Variants in PKD2L2 observed in about 807,000 individuals in gnomAD.
PKD2L2 encodes the protein polycystin-2-like protein 2.
Under a neutral mutation model 83.9 loss-of-function variants are expected in PKD2L2, and 67 were observed. That is an observed-to-expected ratio of 0.80 (90% CI 0.66 to 0.98). The LOEUF is 0.98. PKD2L2 is among the 50% of genes least tolerant of loss of function. The pLI is 0.00. For missense variants in PKD2L2, 632 were observed against 717.2 expected (o/e 0.88, Z 1.36); for synonymous variants, 223 against 237.8 (o/e 0.94, Z 0.57).
At chr5:137,907,390 T>C (rs1757451239) in intron 6 of PKD2L2, among the ~76,000 whole-genome samples, 1 of 152,218 alleles carries the variant, frequency 6.6e-6, no homozygotes, top group South Asian at 2.1e-4. Flanking sequence ...TTTCTTGTAG[T>C]GTTACACGGT....
intron 11 of PKD2L2, among the ~76,000 whole-genome samples, chr5:137,925,355 C>T (rs183390320): frequency 1.3e-5 from 2 of 152,174 alleles, no homozygotes; most frequent in East Asian, 1.9e-4. Flanking sequence ...ACCTATGTGG[C>T]GATTCTAAAT....
chr5:137,932,348 C>CA lies in PKD2L2; in HGVS notation c.1672-3438dup, dbSNP rs533671829. Among the ~76,000 whole-genome samples the CA allele has an allele frequency of 1.7e-3, 236 of 136,688 alleles. 4 individuals carry two copies. Among genetic ancestry groups the CA allele is most frequent in the Middle Eastern group, 0.015 (4 of 268 alleles). 89.7% of individuals were successfully genotyped at this position (136,688 alleles called of 152,430 possible). ...GGACAACAAGAGCGAAACTCTGTCT[C>CA]AAAAAAAAAAAGACACAAAAATACA... On this transcript the variant is annotated intron_variant, in intron 12 of 14. Transcript: ENST00000508883.
intron 8 of PKD2L2, among the ~76,000 whole-genome samples, chr5:137,911,102 C>G (rs1428648750): frequency 1.3e-5 from 2 of 152,136 alleles, no homozygotes; most frequent in Non-Finnish European, 2.9e-5. Context: ...AAACTCTATA[C>G]CAATTAAACA....
intron 8 of PKD2L2, among the ~76,000 whole-genome samples, chr5:137,916,310 G>A (rs1376774122): frequency 1.3e-5 from 2 of 151,714 alleles, no homozygotes; most frequent in Admixed American, 6.6e-5. Flanking sequence ...CAAGTAGCTG[G>A]GATTACAGGT....
chr5:137,919,436 C>A (rs1442948181), intron 8 of PKD2L2, among the ~76,000 whole-genome samples: 3 of 151,940 alleles, frequency 2.0e-5, no homozygotes, highest in Admixed American at 2.0e-4. Context: ...ACTTTCCTAA[C>A]AGAAAAGGGC....
intron 12 of PKD2L2, among the ~76,000 whole-genome samples, chr5:137,935,464 G>A (rs933813471): frequency 1.3e-5 from 2 of 152,162 alleles, no homozygotes; most frequent in African/African-American, 4.8e-5. Flanking sequence ...AATAACAGAG[G>A]TACAGAAAGA....
intron 12 of PKD2L2, among the ~76,000 whole-genome samples, chr5:137,929,298 C>G (rs1759638034): frequency 6.6e-6 from 1 of 151,540 alleles, no homozygotes; most frequent in Middle Eastern, 3.4e-3. Context: ...CCTGTCTCTA[C>G]TAAAAATTAA....
At chr5:137,927,727 T>C (rs1315945041) in intron 12 of PKD2L2, among the ~76,000 whole-genome samples, 1 of 152,198 alleles carries the variant, frequency 6.6e-6, no homozygotes, top group Non-Finnish European at 1.5e-5. Flanking sequence ...GTATTGTTCT[T>C]GTAACTTGTA....
In PKD2L2 at chr5:137,913,491, AT is replaced by A. The variant is rs35300343; in HGVS notation, c.1328+4560del. On this transcript the variant is annotated intron_variant, in intron 8 of 14. Coordinates refer to ENST00000508883, the MANE Select transcript of PKD2L2 (RefSeq NM_001300921.2). ...GAGTCACTGTGCCCAGCCATGGCTA[AT>A]TTTTTTTTTTTTTTGGGATGGAGTC... is the stretch of plus-strand genomic sequence containing the variant. 4.2e-3 allele frequency among the ~76,000 whole-genome samples: 557 copies of A among 132,278 alleles called. 4 individuals are homozygous for A. The highest frequency in any genetic ancestry group is 0.025 in the Middle Eastern group (5 of 200). 86.8% of individuals were successfully genotyped at this position (132,278 alleles called of 152,430 possible). A position where few individuals can be genotyped will look rare whatever the true frequency, so the allele number is the denominator to read the frequency against.
At chr5:137,892,025 A>G (rs1403734069) in intron 2 of PKD2L2, among the ~76,000 whole-genome samples, 1 of 152,236 alleles carries the variant, frequency 6.6e-6, no homozygotes, top group African/African-American at 2.4e-5. Flanking sequence ...GCCAAAACAC[A>G]GTTTAAAATG....
intron 12 of PKD2L2, among the ~76,000 whole-genome samples, chr5:137,927,434 C>A (rs750585416): frequency 1.6e-4 from 25 of 152,080 alleles, no homozygotes; most frequent in Non-Finnish European, 2.6e-4. Flanking sequence ...AGGAACTATT[C>A]CAGATTAAAT....
chr5:137,920,527 G>A (rs1185773564), intron 8 of PKD2L2, among the ~76,000 whole-genome samples: 2 of 152,086 alleles, frequency 1.3e-5, no homozygotes, highest in Non-Finnish European at 2.9e-5. Flanking sequence ...GGGAGGTTAA[G>A]GCAGGTGGAT....
intron 2 of PKD2L2, among the ~76,000 whole-genome samples, chr5:137,891,639 A>G (rs1255220694): frequency 6.6e-6 from 1 of 152,144 alleles, no homozygotes; most frequent in Non-Finnish European, 1.5e-5. Flanking sequence ...TTTTTAAAGA[A>G]CACTTTTTTT....
At chr5:137,916,179 C>T (rs1305768911) in intron 8 of PKD2L2, among the ~76,000 whole-genome samples, 1 of 151,458 alleles carries the variant, frequency 6.6e-6, no homozygotes, top group African/African-American at 2.4e-5. Flanking sequence ...TCATTTCTCC[C>T]TCACTTTTTT....
intron 8 of PKD2L2, among the ~76,000 whole-genome samples, chr5:137,918,986 G>A (rs1358913874): frequency 6.6e-6 from 1 of 151,676 alleles, no homozygotes; most frequent in East Asian, 1.9e-4. Flanking sequence ...GTGTGTGTGT[G>A]TAGGGAGAGG....
chr5:137,915,224 T>A (rs1486570733), intron 8 of PKD2L2, among the ~76,000 whole-genome samples: 4 of 152,076 alleles, frequency 2.6e-5, no homozygotes, highest in East Asian at 3.9e-4. Flanking sequence ...GTACTGTCTT[T>A]CTCTGACTTT....
chr5:137,921,813 A>C (rs1580968468), intron 9 of PKD2L2, 57 bp downstream of exon 9: 1 of 1,272,492 alleles, frequency 7.9e-7, no homozygotes, highest in East Asian at 2.5e-5. Context: ...AAGTAAAATT[A>C]CTCATTTAGA....
chr5:137,920,630 G>A (rs189968808), intron 8 of PKD2L2, among the ~76,000 whole-genome samples: 3 of 151,976 alleles, frequency 2.0e-5, no homozygotes, highest in South Asian at 4.2e-4. Flanking sequence ...GGTGGCACAC[G>A]CCTGTAGTCC....
chr5:137,895,868 A>G (rs1756412721), intron 4 of PKD2L2, among the ~76,000 whole-genome samples: 1 of 143,262 alleles, frequency 7.0e-6, no homozygotes, highest in African/African-American at 2.6e-5. Flanking sequence ...GTAGTGTGAG[A>G]CACAGTCTCA....
Sources: gnomAD v4.1 joint callset for allele counts (sites outside exome capture counted in the v4.1 genomes callset) on GRCh38, gnomAD v4.1.1 for gene constraint, MANE v1.5 for transcripts, NCBI Gene and HGNC (gene_info 2026-07-23, HGNC 2026-07-21) for gene names.